The following PCDHGA3 variants were observed in gnomAD, a reference collection of about 807,000 sequenced individuals.
The protein encoded by PCDHGA3 is protocadherin gamma-A3.
Under a neutral mutation model 58.5 loss-of-function variants are expected in PCDHGA3, and 40 were observed. The observed-to-expected ratio is 0.68, with a 90% CI of 0.53 to 0.89. The LOEUF (loss-of-function observed/expected upper bound fraction) is 0.89. Ranked by LOEUF, PCDHGA3 falls within the 40% of genes least tolerant of loss-of-function variation. The pLI is 0.00. For missense variants in PCDHGA3, 1,223 were observed against 1,195.9 expected (o/e 1.02, Z -0.33); for synonymous variants, 530 against 525.7 (o/e 1.01, Z -0.11).
chr5:141,388,509 C>T, intron 1 of PCDHGA3: 13 of 1,613,810 alleles, frequency 8.1e-6, no homozygotes, highest in Non-Finnish European at 1.1e-5. Flanking sequence ...GAAATCCTAC[C>T]ACTTGACTTT....
At position 141,489,378 on chromosome 5, in the gene PCDHGA3, G is replaced by A. The variant is rs1562129701; in HGVS notation, c.2425-5429G>A. ...AGTCTGAGCCGGGGACGCTGGTGGGGAATGTTGCTCAGGATCTGGGCTTAA... is the reference window on the plus strand; with the variant it reads ...AGTCTGAGCCGGGGACGCTGGTGGGAAATGTTGCTCAGGATCTGGGCTTAA... On this transcript the variant is annotated intron_variant, in intron 1 of 3. Coordinates refer to ENST00000253812, the MANE Select transcript of PCDHGA3 (RefSeq NM_018916.4). The surrounding 1 kb of genome is among the most constrained non-coding windows in gnomAD (Gnocchi z 4.5). 1.2e-6 allele frequency: 2 copies of A among 1,613,908 alleles called. No homozygotes were observed. The highest frequency in any genetic ancestry group is 3.3e-5 in the Admixed American group (2 of 60,026).
At chr5:141,403,188 C>G (rs763950254) in intron 1 of PCDHGA3, 6 of 1,613,968 alleles carry the variant, frequency 3.7e-6, no homozygotes, top group Non-Finnish European at 4.2e-6. Context: ...TCTCTGAACC[C>G]GCGCAGCGGC....
chr5:141,421,572 G>T, intron 1 of PCDHGA3: 1 of 1,613,954 alleles, frequency 6.2e-7, no homozygotes, highest in Admixed American at 1.7e-5. Flanking sequence ...AAGACACCTT[G>T]AAGATTTACG....
At chr5:141,357,471 C>T in intron 1 of PCDHGA3, 1 of 1,614,206 alleles carries the variant, frequency 6.2e-7, no homozygotes, top group Non-Finnish European at 8.5e-7. Context: ...CCCACGAGGT[C>T]TCCCTCACCG....
At chr5:141,407,222 C>CA (rs895046980) in intron 1 of PCDHGA3, among the ~76,000 whole-genome samples, 4 of 151,730 alleles carry the variant, frequency 2.6e-5, no homozygotes, top group African/African-American at 7.2e-5. Flanking sequence ...AAGTGGGTAG[C>CA]AAAAAAAATA....
At chr5:141,400,015 G>T (rs747874428) in intron 1 of PCDHGA3, 6 of 1,612,768 alleles carry the variant, frequency 3.7e-6, no homozygotes, top group Non-Finnish European at 4.2e-6. Flanking sequence ...TGCCTTGGGC[G>T]ACAGGGACGC....
rs369748404 is a variant in PCDHGA3 at position 141,476,671 on chromosome 5, G to A, written c.2425-18136G>A. The A allele has an allele frequency of 6.2e-7, 1 of 1,614,128 alleles. No homozygotes were observed. Among genetic ancestry groups the A allele is most frequent in the Non-Finnish European group, 8.5e-7 (1 of 1,180,056 alleles). On this transcript the variant is annotated intron_variant, in intron 1 of 3. Coordinates refer to ENST00000253812, the MANE Select transcript of PCDHGA3 (RefSeq NM_018916.4). This position sits in a 1 kb window ranked among gnomAD's most constrained non-coding sequence, Gnocchi z 7.6. ...ATGAATACTTTGCGCTTCGCGTGCA[G>A]ACGCGGGAGGACAGCACCAAGTACG...
chr5:141,426,865 T>G (rs2096965950), intron 1 of PCDHGA3: 1 of 456,600 alleles, frequency 2.2e-6, no homozygotes, highest in African/African-American at 2.0e-5. Flanking sequence ...GAATTAGTGC[T>G]GGAGAAGCCC....
rs183531575 is a variant in PCDHGA3 at position 141,469,308 on chromosome 5, G to A, written c.2425-25499G>A. Among the ~76,000 whole-genome samples the A allele has an allele frequency of 2.5e-3, 379 of 152,184 alleles. 1 individual carries two copies. The highest frequency in any genetic ancestry group is 5.8e-3 in the South Asian group (28 of 4,814). On this transcript the variant is annotated intron_variant, in intron 1 of 3. Transcript: ENST00000253812. ...TAAAACAAAATAGACTGGGCACGAT[G>A]GCTCACGCCTGTAATCCCACCACTT...
intron 1 of PCDHGA3, chr5:141,351,415 A>T: frequency 6.2e-7 from 1 of 1,611,534 alleles, no homozygotes; most frequent in Non-Finnish European, 8.5e-7. Flanking sequence ...CTCAGGAAGA[A>T]GTTCCTTTCA....
At chr5:141,435,346 G>A (rs2097758346) in intron 1 of PCDHGA3, among the ~76,000 whole-genome samples, 1 of 152,012 alleles carries the variant, frequency 6.6e-6, no homozygotes, top group South Asian at 2.1e-4. Flanking sequence ...TATTTCTTCT[G>A]CATTTAAAAT....
At position 141,477,751 on chromosome 5, in the gene PCDHGA3, G is replaced by T; in HGVS notation, c.2425-17056G>T. 1.2e-6 allele frequency: 2 copies of T among 1,613,830 alleles called. No homozygotes were observed. Among genetic ancestry groups the T allele is most frequent in the Non-Finnish European group, 1.7e-6 (2 of 1,180,022 alleles). On this transcript the variant is annotated intron_variant, in intron 1 of 3. Coordinates refer to ENST00000253812, the MANE Select transcript of PCDHGA3 (RefSeq NM_018916.4). This position sits in a 1 kb window ranked among gnomAD's most constrained non-coding sequence, Gnocchi z 4.9. ...CTCATATCAGCGATGGGGGCACCCC[G>T]GTCCTAGCCACCAACATCAGCGTGA...
Position 141,344,125 on chromosome 5 carries a change from T to A in PCDHGA3, c.92T>A (p.Ile31Asn). Reference protein sequence around the residue: ...GTLCETGSGQIRYSVSEELDK... With the variant: ...GTLCETGSGQNRYSVSEELDK... The stretch of plus-strand genomic sequence containing the variant: ...CTGTGCGAAACAGGATCCGGTCAGA[T>A]CCGCTACTCGGTGTCTGAGGAGCTA... The change falls in exon 1 of 4, where the codon ATC (isoleucine) becomes AAC (asparagine). Residue 31 changes from isoleucine (I) to asparagine (N), a missense_variant. By Grantham distance (149) the Ile-to-Asn change is moderately radical. Around this residue, in one of 3 missense-constraint regions of PCDHGA3, gnomAD observed 791 missense variants for 708.5 expected, o/e 1.12. Transcript: ENST00000253812. 6.2e-7 allele frequency: 1 copy of A among 1,614,018 alleles called. No homozygotes were observed. The highest frequency in any genetic ancestry group is 1.1e-5 in the South Asian group (1 of 91,086).
chr5:141,421,533 C>T (rs80184002), intron 1 of PCDHGA3: 1 of 1,614,044 alleles, frequency 6.2e-7, no homozygotes, highest in African/African-American at 1.3e-5. Flanking sequence ...CGGTGTCCTC[C>T]TGTTTTTTAA....
chr5:141,415,740 G>GTTTTTTTTTTTTTTTTTTTT (rs57426385), intron 1 of PCDHGA3: 5 of 625,024 alleles, frequency 8.0e-6, no homozygotes, highest in African/African-American at 5.0e-5. Flanking sequence ...GTTTATTAAG[G>GTTTTTTTTTTTTTTTTTTTT]TTTTTTTTTT....
rs746867138 is a variant in PCDHGA3, at chr5:141,346,166, G to T, written c.2133G>T (p.Leu711=). The change falls in exon 1 of 4, where the codon CTG becomes CTT. Residue 711 remains leucine (L), a synonymous_variant. Transcript: ENST00000253812. The part of the protein sequence containing the change: ...SCVFLAFVIV[L]LALRLRRWHK... ...TCTTCCTGGCCTTCGTCATCGTGCT[G>T]CTGGCGCTCAGGCTGCGGCGCTGGC... 6.2e-7 allele frequency: 1 copy of T among 1,614,042 alleles called. No individual in the cohort carries two copies. The highest frequency in any genetic ancestry group is 2.2e-5 in the East Asian group (1 of 44,866).
At chr5:141,426,665 T>A in intron 1 of PCDHGA3, 1 of 429,940 alleles carries the variant, frequency 2.3e-6, no homozygotes, top group South Asian at 1.6e-5. Context: ...ATATAAATGA[T>A]AACCCACCTC....
rs1212833348 is a variant in PCDHGA3 at position 141,431,379 on chromosome 5, C to T, written c.2425-63428C>T. On this transcript the variant is annotated intron_variant, in intron 1 of 3. Transcript: ENST00000253812. The surrounding 1 kb of genome is among the most constrained non-coding windows in gnomAD (Gnocchi z 4.8). ...GCCCTGGACCGCGAAGAAAAGGCTG[C>T]TCACCACCTGGTCCTTACGGCCTCC... is the stretch of plus-strand genomic sequence containing the variant. 3 of 1,613,946 alleles carry T rather than the reference C, an allele frequency of 1.9e-6. No individual in the cohort carries two copies. Among genetic ancestry groups the T allele is most frequent in the Non-Finnish European group, 2.5e-6 (3 of 1,180,020 alleles).
chr5:141,477,351 G>A lies in PCDHGA3; in HGVS notation c.2425-17456G>A. 6.2e-7 allele frequency: 1 copy of A among 1,614,126 alleles called. No homozygotes were observed. The highest frequency in any genetic ancestry group is 8.5e-7 in the Non-Finnish European group (1 of 1,180,018). On this transcript the variant is annotated intron_variant, in intron 1 of 3. Transcript: ENST00000253812. This position sits in a 1 kb window ranked among gnomAD's most constrained non-coding sequence, Gnocchi z 4.9. ...AAGAATTACTTCACTTTGAAAACCA[G>A]TGCAGACCTGGATCGGGAGACTGTG...
Sources: gnomAD v4.1 joint callset for allele counts (sites outside exome capture counted in the v4.1 genomes callset) on GRCh38, gnomAD v4.1.1 for gene constraint, gnomAD v4.1.1 regional missense constraint, Gnocchi (gnomAD v3.1) non-coding constraint, MANE v1.5 for transcripts, NCBI Gene and HGNC (gene_info 2026-07-23, HGNC 2026-07-21) for gene names.